The following PTPRM variants were observed in gnomAD, a reference collection of about 807,000 sequenced individuals.
PTPRM encodes protein tyrosine phosphatase receptor type M.
PTPRM carries 47 observed loss-of-function variants against 186.7 expected under a neutral mutation model. That is an observed-to-expected ratio of 0.25 (90% confidence interval 0.20 to 0.32). The LOEUF is 0.32. PTPRM is among the 10% of genes least tolerant of loss of function. PTPRM has a pLI of 1.00. For missense variants in PTPRM, 1,494 were observed against 1,865.0 expected, an observed-to-expected ratio of 0.80 and a Z score of 3.66; for synonymous variants, 668 against 674.9, an observed-to-expected ratio of 0.99 and a Z score of 0.16.
chr18:8,149,600 C>T (rs1157673301), intron 14 of PTPRM, among the ~76,000 whole-genome samples: 1 of 152,104 alleles, frequency 6.6e-6, no homozygotes, highest in Non-Finnish European at 1.5e-5. Flanking sequence ...TGACTCTATC[C>T]AATTTGCCAG....
intron 13 of PTPRM, among the ~76,000 whole-genome samples, chr18:8,140,438 AGTTTTTTTGTTTGTTT>A (rs2092738642): frequency 2.4e-5 from 1 of 41,536 alleles, no homozygotes; most frequent in African/African-American, 1.0e-4. Flanking sequence ...ATTTGTTTTG[AGTTTTTTTGTTTGTTT>A]GTTTGTTTGT....
rs114736006 is a variant in PTPRM, at chr18:8,035,833, G to T, written c.1133-33853G>T. 3.2e-3 allele frequency among the ~76,000 whole-genome samples: 492 copies of T among 152,278 alleles called. 4 individuals carry two copies. Among genetic ancestry groups the T allele is most frequent in the Middle Eastern group, 0.014 (4 of 294 alleles). On this transcript the variant is annotated intron_variant, in intron 7 of 32. Coordinates refer to ENST00000580170, the MANE Select transcript of PTPRM (RefSeq NM_001105244.2). ...ACATTGTATACATTAAATATGCACA[G>T]TATTTTGTATCTCGATTATTTTTTA... is the stretch of plus-strand genomic sequence containing the variant.
intron 2 of PTPRM, among the ~76,000 whole-genome samples, chr18:7,859,774 C>T (rs1299589009): frequency 3.3e-5 from 5 of 152,136 alleles, no homozygotes; most frequent in African/African-American, 9.7e-5. Flanking sequence ...GGACTGTGTG[C>T]AGATTCAGGG....
At chr18:8,392,178 T>C (rs2095816977) in intron 31 of PTPRM, among the ~76,000 whole-genome samples, 2 of 152,072 alleles carry the variant, frequency 1.3e-5, no homozygotes, top group South Asian at 4.1e-4. Context: ...AAAAAGCATC[T>C]GTAAGAAACA....
chr18:8,118,030 CTT>C (rs1332067897), intron 13 of PTPRM, among the ~76,000 whole-genome samples: 2 of 152,038 alleles, frequency 1.3e-5, no homozygotes, highest in Non-Finnish European at 2.9e-5. Flanking sequence ...GGTGGAAACT[CTT>C]TGCAGCTAGT....
intron 5 of PTPRM, among the ~76,000 whole-genome samples, chr18:7,930,792 A>G (rs1226215717): frequency 6.6e-6 from 1 of 152,168 alleles, no homozygotes. Flanking sequence ...TTTTAAATAT[A>G]GATTAAATAT....
At chr18:8,402,526 G>T (rs1442677710) in intron 32 of PTPRM, among the ~76,000 whole-genome samples, 2 of 152,180 alleles carry the variant, frequency 1.3e-5, no homozygotes, top group East Asian at 3.8e-4. Context: ...TAAAAGGATG[G>T]CTCTGAGTAG....
intron 5 of PTPRM, chr18:7,946,971 C>T (rs558224977): frequency 4.4e-6 from 2 of 456,266 alleles, no homozygotes; most frequent in Admixed American, 2.3e-5. Context: ...CCCTCTCCCT[C>T]CATCCTGTGA....
intron 14 of PTPRM, among the ~76,000 whole-genome samples, chr18:8,225,451 T>C (rs565864304): frequency 6.6e-6 from 1 of 152,316 alleles, no homozygotes; most frequent in East Asian, 1.9e-4. Flanking sequence ...AGGATGTTCT[T>C]AGCTCATCTT....
At chr18:8,241,472 C>CCACAAACAT (rs778224067) in intron 14 of PTPRM, among the ~76,000 whole-genome samples, 3 of 152,060 alleles carry the variant, frequency 2.0e-5, no homozygotes, top group Non-Finnish European at 2.9e-5. Context: ...ACAAAAGTGC[C>CCACAAACAT]CACAAACATG....
intron 1 of PTPRM, among the ~76,000 whole-genome samples, chr18:7,716,136 C>G (rs2040324951): frequency 6.6e-6 from 1 of 152,158 alleles, no homozygotes; most frequent in Admixed American, 6.5e-5. Flanking sequence ...GTAACCAAAA[C>G]AGCATGGTTC....
At chr18:7,866,186 T>G (rs1240310603) in intron 2 of PTPRM, among the ~76,000 whole-genome samples, 1 of 152,220 alleles carries the variant, frequency 6.6e-6, no homozygotes, top group Admixed American at 6.5e-5. Flanking sequence ...TCTTGTCTTT[T>G]TCAGTTCTGC....
At chr18:8,325,983 G>T (rs562248796) in intron 22 of PTPRM, among the ~76,000 whole-genome samples, 96 of 152,266 alleles carry the variant, frequency 6.3e-4, no homozygotes, top group African/African-American at 2.1e-3. Context: ...CTTTTCAAGT[G>T]TATCTGTTCC....
Position 8,376,122 on chromosome 18 carries a change from C to T in PTPRM, c.3248C>T (p.Ala1083Val), listed in dbSNP as rs757234403. The T allele has an allele frequency of 5.6e-6, 9 of 1,613,968 alleles. No individual in the cohort carries two copies. Residue 1083 changes from alanine to valine, a missense_variant, in exon 25 of 33, where the codon GCC becomes GTC. Physicochemically the swap from Ala to Val is moderately conservative, Grantham distance 64 (BLOSUM62 0). This residue lies in a region of PTPRM where 1,107 missense variants were observed against 1,350.2 expected (regional missense o/e 0.82). Coordinates refer to ENST00000580170, the MANE Select transcript of PTPRM (RefSeq NM_001105244.2). The part of the protein sequence containing the change: ...GWPDHGVPYH[A>V]TGLLGFVRQV... The stretch of plus-strand genomic sequence containing the variant: ...CCGGATCATGGGGTCCCCTACCATG[C>T]CACCGGCCTGCTGGGATTCGTGCGG...
chr18:7,842,841 T>TATATATATATATAGAG (rs1555616753), intron 2 of PTPRM, among the ~76,000 whole-genome samples: 14 of 134,526 alleles, frequency 1.0e-4, no homozygotes, highest in African/African-American at 3.2e-4. Context: ...TATATATATA[T>TATATATATATATAGAG]AGAGAGAGAG....
intron 7 of PTPRM, among the ~76,000 whole-genome samples, chr18:8,068,914 A>C (rs149503536): frequency 0.074 from 11,261 of 152,178 alleles, 529 homozygotes; most frequent in Non-Finnish European, 0.1. Context: ...CCTGACTAAC[A>C]TGGTGAAACC....
chr18:8,355,401 C>T (rs1256143556), intron 23 of PTPRM, among the ~76,000 whole-genome samples: 1 of 152,124 alleles, frequency 6.6e-6, no homozygotes, highest in Non-Finnish European at 1.5e-5. Context: ...GAGGCAACCA[C>T]AGGACCCTGG....
chr18:7,836,742 A>G (rs933634644), intron 2 of PTPRM, among the ~76,000 whole-genome samples: 1 of 152,160 alleles, frequency 6.6e-6, no homozygotes, highest in African/African-American at 2.4e-5. Context: ...ATGTTTGAAG[A>G]ATATTTTTTT....
chr18:7,613,300 T>G (rs1484063019), intron 1 of PTPRM, among the ~76,000 whole-genome samples: 1 of 152,172 alleles, frequency 6.6e-6, no homozygotes, highest in African/African-American at 2.4e-5. Flanking sequence ...AATTTAATCC[T>G]TAATTATATT....
Sources: gnomAD v4.1 joint callset for allele counts (sites outside exome capture counted in the v4.1 genomes callset) on GRCh38, gnomAD v4.1.1 for gene constraint, gnomAD v4.1.1 regional missense constraint, MANE v1.5 for transcripts, NCBI Gene and HGNC (gene_info 2026-07-23, HGNC 2026-07-21) for gene names.